SLC66A1: variants seen among roughly 807,000 people sequenced by gnomAD.
The protein encoded by SLC66A1 is solute carrier family 66 member 1.
In SLC66A1, 23 loss-of-function variants were observed where a neutral mutation model predicts 33.0. That is an observed-to-expected ratio of 0.70 (90% CI 0.50 to 0.99). The LOEUF (loss-of-function observed/expected upper bound fraction) is 0.99, where lower values mean the gene tolerates loss of function less well. SLC66A1 is among the 50% of genes least tolerant of loss of function. The pLI, the probability that SLC66A1 is intolerant of heterozygous loss-of-function variation, is 0.00. For missense variants in SLC66A1, 335 were observed against 383.6 expected, an observed-to-expected ratio of 0.87 and a Z score of 1.06; for synonymous variants, 164 against 175.5, an observed-to-expected ratio of 0.93 and a Z score of 0.52.
intron 4 of SLC66A1, 21 bp downstream of exon 4, chr1:19,325,603 C>CT (rs763798264): frequency 8.6e-6 from 12 of 1,399,664 alleles, no homozygotes; most frequent in South Asian, 1.1e-5. Context: ...GGACCGCTCT[C>CT]TGTCAGATGC....
intron 2 of SLC66A1, among the ~76,000 whole-genome samples, chr1:19,318,053 A>G (rs1338634047): frequency 1.3e-5 from 2 of 152,164 alleles, no homozygotes; most frequent in African/African-American, 4.8e-5. Flanking sequence ...CACCTTTGCA[A>G]CAGTTTATTG....
chr1:19,331,334 T>C (rs950578651), downstream of SLC66A1, among the ~76,000 whole-genome samples: 2 of 152,152 alleles, frequency 1.3e-5, no homozygotes, highest in East Asian at 3.9e-4. Context: ...TTTATGGCCA[T>C]TTTACAGATG....
chr1:19,325,770 C>T (rs1388985994), intron 4 of SLC66A1, among the ~76,000 whole-genome samples, 188 bp downstream of exon 4: 5 of 152,206 alleles, frequency 3.3e-5, no homozygotes, highest in Non-Finnish European at 7.3e-5. Context: ...GGCTTGAGGG[C>T]AGTGAGCGCG....
chr1:19,333,999 C>T (rs214298), downstream of SLC66A1, among the ~76,000 whole-genome samples: 86,952 of 152,044 alleles, frequency 0.57, 25,268 homozygotes, highest in African/African-American at 0.65. The surrounding 1 kb of genome is among the most constrained non-coding windows in gnomAD (Gnocchi z 4.2). Context: ...TACCTTCCAC[C>T]GTGGATTAAC....
intron 4 of SLC66A1, 112 bp downstream of exon 4, chr1:19,325,694 C>A: frequency 2.1e-6 from 2 of 933,064 alleles, no homozygotes; most frequent in Non-Finnish European, 3.2e-6. Flanking sequence ...TGGGTGATAA[C>A]CCAAACCTCG....
At chr1:19,325,013 C>T (rs1444442940) in intron 3 of SLC66A1, among the ~76,000 whole-genome samples, 2 of 152,218 alleles carry the variant, frequency 1.3e-5, no homozygotes, top group African/African-American at 2.4e-5. Context: ...GGGTCTTCCA[C>T]CTCCAGGGTG....
At chr1:19,329,543 G>T (rs2093886765), downstream of SLC66A1, among the ~76,000 whole-genome samples, 1 of 152,196 alleles carries the variant, frequency 6.6e-6, no homozygotes, top group Admixed American at 6.5e-5. Context: ...CGGGGAGCCT[G>T]CCCCTCGGTG....
Position 19,322,782 on chromosome 1 carries a change from A to G in SLC66A1, c.165-1851A>G, listed in dbSNP as rs1447629585. ...GGGGCGGCGAGCCTGGGGCCTTGCA[A>G]GGATCCCCTCACAGAATGGGGGCCT... On this transcript the variant is annotated intron_variant, in intron 2 of 7. Coordinates refer to ENST00000375153, the MANE Select transcript of SLC66A1 (RefSeq NM_001040125.2). 2.0e-5 allele frequency among the ~76,000 whole-genome samples: 3 copies of G among 152,210 alleles called. 1 individual carries two copies. The highest frequency in any genetic ancestry group is 2.0e-4 in the Admixed American group (3 of 15,288).
chr1:19,324,850 C>T (rs1005745057), intron 3 of SLC66A1, 88 bp downstream of exon 3: 41 of 1,507,934 alleles, frequency 2.7e-5, no homozygotes, highest in East Asian at 1.7e-4. Context: ...CTCTTTGGCC[C>T]GCCTGGTCTC....
At chr1:19,330,137 C>A (rs1363034401), downstream of SLC66A1, among the ~76,000 whole-genome samples, 1 of 152,046 alleles carries the variant, frequency 6.6e-6, no homozygotes, top group East Asian at 1.9e-4. Context: ...TGGCTCCAGA[C>A]CCTGTTCTGA....
At chr1:19,323,627 G>A (rs1384737111) in intron 2 of SLC66A1, among the ~76,000 whole-genome samples, 2 of 152,056 alleles carry the variant, frequency 1.3e-5, no homozygotes, top group African/African-American at 2.4e-5. Flanking sequence ...GGCTGGTCTC[G>A]AACTTCTGGC....
intron 1 of SLC66A1, chr1:19,313,207 C>T: frequency 1.0e-6 from 1 of 985,434 alleles, no homozygotes; most frequent in Non-Finnish European, 1.2e-6. Context: ...GACTGGTAGG[C>T]ATCGGGCAGG....
intron 1 of SLC66A1, among the ~76,000 whole-genome samples, chr1:19,315,200 C>T (rs890664237): frequency 2.0e-5 from 3 of 152,312 alleles, no homozygotes; most frequent in South Asian, 2.1e-4. Flanking sequence ...TGAACCACTG[C>T]GCCCGGCCAC....
At chr1:19,313,976 G>A (rs1254899922) in intron 1 of SLC66A1, among the ~76,000 whole-genome samples, 1 of 152,198 alleles carries the variant, frequency 6.6e-6, no homozygotes, top group African/African-American at 2.4e-5. Context: ...CCCAGCCCAG[G>A]TGCACTGACT....
intron 1 of SLC66A1, among the ~76,000 whole-genome samples, chr1:19,317,287 G>C (rs1009301547): frequency 5.9e-5 from 9 of 152,144 alleles, no homozygotes; most frequent in Non-Finnish European, 1.3e-4. Flanking sequence ...CAGATGAGAG[G>C]GCTCAGGCAC....
At chr1:19,325,671 G>A in intron 4 of SLC66A1, 89 bp downstream of exon 4, 1 of 1,122,030 alleles carries the variant, frequency 8.9e-7, no homozygotes, top group Non-Finnish European at 1.3e-6. Flanking sequence ...GGAGGAAGCG[G>A]GTTTCCCATG....
intron 2 of SLC66A1, among the ~76,000 whole-genome samples, chr1:19,319,795 C>T (rs766093717): frequency 5.3e-5 from 8 of 150,772 alleles, no homozygotes; most frequent in Non-Finnish European, 1.2e-4. Context: ...CCCAGCTACT[C>T]GGGAGGCTGA....
rs139492483 is a variant in SLC66A1, at chr1:19,321,170, T to TTC, written c.164+3330_164+3331insCT. Reference sequence around the variant, plus strand: ...AACAAAGATTTATCCTTATCTCTTCTTTTTTTTTTTTTTTTTTTTTTGAGA... The same window carrying TTC: ...AACAAAGATTTATCCTTATCTCTTCTTCTTTTTTTTTTTTTTTTTTTTTGAGA... On this transcript the variant is annotated intron_variant, in intron 2 of 7. Transcript: ENST00000375153. 2.6e-3 allele frequency among the ~76,000 whole-genome samples: 56 copies of TTC among 21,844 alleles called. 1 individual carries two copies. The highest frequency in any genetic ancestry group is 0.01 in the African/African-American group (55 of 5,494). 14.3% of individuals were successfully genotyped at this position (21,844 alleles called of 152,430 possible).
chr1:19,315,766 C>G (rs1389610575), intron 1 of SLC66A1, among the ~76,000 whole-genome samples: 1 of 152,202 alleles, frequency 6.6e-6, no homozygotes, highest in Non-Finnish European at 1.5e-5. Context: ...CCACAGAAGT[C>G]TTCTGCTTCG....
Sources: allele counts gnomAD v4.1 joint callset (sites outside exome capture counted in the v4.1 genomes callset), GRCh38; gene constraint gnomAD v4.1.1; non-coding constraint Gnocchi (gnomAD v3.1); transcripts MANE v1.5; gene names NCBI Gene and HGNC (gene_info 2026-07-23, HGNC 2026-07-21).